EXOC6B: variants seen among roughly 807,000 people sequenced by gnomAD.
EXOC6B encodes the protein exocyst complex component 6B.
EXOC6B carries 54 observed loss-of-function variants against 113.5 expected under a neutral mutation model. The observed-to-expected ratio is 0.48, with a 90% CI of 0.38 to 0.60. The LOEUF is 0.60. Among genes scored for constraint, EXOC6B ranks in the 20% least tolerant of loss-of-function variants. EXOC6B has a pLI of 0.00. For synonymous variants in EXOC6B, 357 were observed against 339.0 expected (o/e 1.05, Z -0.58); for missense variants, 797 against 977.5 (o/e 0.82, Z 2.46).
intron 16 of EXOC6B, among the ~76,000 whole-genome samples, chr2:72,491,700 T>C (rs1699753977): frequency 6.6e-6 from 1 of 152,124 alleles, no homozygotes; most frequent in African/African-American, 2.4e-5. Context: ...CTACATTCAA[T>C]ATATGTAAAA....
intron 19 of EXOC6B, among the ~76,000 whole-genome samples, chr2:72,347,019 A>G (rs138860429): frequency 3.4e-4 from 52 of 152,186 alleles, no homozygotes; most frequent in African/African-American, 1.3e-3. Flanking sequence ...TTATTTCAAT[A>G]TGCAACTCCC....
At chr2:72,492,985 T>C (rs1009063421) in intron 15 of EXOC6B, among the ~76,000 whole-genome samples, 2 of 152,184 alleles carry the variant, frequency 1.3e-5, no homozygotes, top group African/African-American at 4.8e-5. Flanking sequence ...GTATTTCCTC[T>C]TCCCAGTTAT....
At chr2:72,296,159 T>A (rs961792325) in intron 20 of EXOC6B, among the ~76,000 whole-genome samples, 1 of 152,108 alleles carries the variant, frequency 6.6e-6, no homozygotes, top group Non-Finnish European at 1.5e-5. Context: ...TAGCATATAA[T>A]CCTGAAGTGC....
At chr2:72,639,072 C>T (rs925937474) in intron 6 of EXOC6B, among the ~76,000 whole-genome samples, 1 of 152,164 alleles carries the variant, frequency 6.6e-6, no homozygotes, top group Non-Finnish European at 1.5e-5. Context: ...CAGTCTCCCT[C>T]CCCATACTGC....
At chr2:72,609,196 C>T (rs1175651564) in intron 6 of EXOC6B, among the ~76,000 whole-genome samples, 1 of 152,020 alleles carries the variant, frequency 6.6e-6, no homozygotes, top group Non-Finnish European at 1.5e-5. Context: ...AATTATGAGA[C>T]ATGGGAAAAA....
intron 19 of EXOC6B, among the ~76,000 whole-genome samples, chr2:72,367,659 G>A (rs187427948): frequency 6.6e-6 from 1 of 152,140 alleles, no homozygotes; most frequent in Admixed American, 6.5e-5. Context: ...AGACAATCTT[G>A]TATTGCTGAC....
chr2:72,498,697 A>C (rs1700171338), intron 12 of EXOC6B, 146 bp from the exon 13 acceptor site: 1 of 582,734 alleles, frequency 1.7e-6, no homozygotes, highest in East Asian at 2.9e-5. Context: ...ATTTAGTAGA[A>C]TCTTTCATTC....
intron 1 of EXOC6B, 113 bp from the exon 2 acceptor site, chr2:72,741,582 G>C: frequency 1.2e-6 from 1 of 857,132 alleles, no homozygotes; most frequent in Non-Finnish European, 1.7e-6. Flanking sequence ...TAATCCAACT[G>C]TATATTAACA....
At chr2:72,777,741 AAAC>A (rs2104975035) in intron 1 of EXOC6B, among the ~76,000 whole-genome samples, 1 of 152,238 alleles carries the variant, frequency 6.6e-6, no homozygotes, top group African/African-American at 2.4e-5. Context: ...AGACTGCAAA[AAAC>A]AATACATATC....
chr2:72,552,719 G>T (rs551063244), intron 8 of EXOC6B, among the ~76,000 whole-genome samples: 3 of 151,850 alleles, frequency 2.0e-5, no homozygotes, highest in African/African-American at 7.2e-5. Flanking sequence ...TAAACACAAG[G>T]ATATTAATAT....
chr2:72,596,394 T>C (rs1028476737), intron 6 of EXOC6B, among the ~76,000 whole-genome samples: 2 of 152,110 alleles, frequency 1.3e-5, no homozygotes, highest in Non-Finnish European at 2.9e-5. Flanking sequence ...GTGTTAAAAG[T>C]TAAAACTCTT....
rs1287860087 is a variant in EXOC6B, at chr2:72,825,402, G to A, written c.113+396C>T. On this transcript the variant is annotated intron_variant, in intron 1 of 21. Coordinates refer to ENST00000272427, the MANE Select transcript of EXOC6B (RefSeq NM_015189.3). This position sits in a 1 kb window ranked among gnomAD's most constrained non-coding sequence, Gnocchi z 4.4. ...ACTAGACCATGGAGTGAAATTCTGT[G>A]TTGTCTGAAGAGCAGGACTCCTGTC... Among the ~76,000 whole-genome samples the A allele has an allele frequency of 6.6e-6, 1 of 152,222 alleles. No homozygotes were observed. The highest frequency in any genetic ancestry group is 1.5e-5 in the Non-Finnish European group (1 of 68,030).
intron 8 of EXOC6B, among the ~76,000 whole-genome samples, chr2:72,534,569 C>A (rs1046162839): frequency 3.3e-5 from 5 of 152,054 alleles, no homozygotes; most frequent in African/African-American, 1.2e-4. Flanking sequence ...GAAGAGGCAA[C>A]TTTACGTACG....
chr2:72,528,811 T>C (rs370847312), intron 8 of EXOC6B, among the ~76,000 whole-genome samples: 1 of 152,066 alleles, frequency 6.6e-6, no homozygotes, highest in East Asian at 1.9e-4. Context: ...AATATTATAT[T>C]TTAAATTTTG....
chr2:72,606,834 C>T (rs540598283), intron 6 of EXOC6B, among the ~76,000 whole-genome samples: 1 of 152,074 alleles, frequency 6.6e-6, no homozygotes, highest in East Asian at 1.9e-4. Context: ...TGGTCTTGAA[C>T]TCCCGACCTC....
At chr2:72,569,332 A>G (rs1177455854) in intron 7 of EXOC6B, among the ~76,000 whole-genome samples, 2 of 81,638 alleles carry the variant, frequency 2.4e-5, no homozygotes, top group Non-Finnish European at 7.1e-5. Context: ...AAAGCACAAC[A>G]TTATTTTTTT....
intron 11 of EXOC6B, 25 bp from the exon 12 acceptor site, chr2:72,499,997 G>A: frequency 7.1e-7 from 1 of 1,405,266 alleles, no homozygotes; most frequent in Non-Finnish European, 9.8e-7. Context: ...AGACAAAGGA[G>A]GAAAAACATG....
At chr2:72,698,607 G>A (rs1678061381) in intron 6 of EXOC6B, among the ~76,000 whole-genome samples, 1 of 151,144 alleles carries the variant, frequency 6.6e-6, no homozygotes, top group Non-Finnish European at 1.5e-5. Context: ...CAGAAATAAG[G>A]AGCAAGAAAA....
chr2:72,321,612 A>G lies in EXOC6B; in HGVS notation c.2196+13335T>C, dbSNP rs183100405. Reference sequence around the variant, plus strand: ...TCTCAAAAGCACCATGCTAAGTGAAAGAAGAGAAAATTAAAAGTATGTTTC... The same window carrying G: ...TCTCAAAAGCACCATGCTAAGTGAAGGAAGAGAAAATTAAAAGTATGTTTC... On this transcript the variant is annotated intron_variant, in intron 20 of 21. Coordinates refer to ENST00000272427, the MANE Select transcript of EXOC6B (RefSeq NM_015189.3). Among the ~76,000 whole-genome samples the G allele has an allele frequency of 8.2e-4, 125 of 152,278 alleles. 3 individuals carry two copies. Among genetic ancestry groups the G allele is most frequent in the Middle Eastern group, 3.4e-3 (1 of 294 alleles).
Sources: gnomAD v4.1 joint callset for allele counts (sites outside exome capture counted in the v4.1 genomes callset) on GRCh38, gnomAD v4.1.1 for gene constraint, Gnocchi (gnomAD v3.1) non-coding constraint, MANE v1.5 for transcripts, NCBI Gene and HGNC (gene_info 2026-07-23, HGNC 2026-07-21) for gene names.